The following NLGN4Y variants were observed in gnomAD, a reference collection of about 807,000 sequenced individuals.
NLGN4Y encodes neuroligin-4, Y-linked.
A neutral mutation model predicts 8.4 loss-of-function variants in NLGN4Y; 4 were observed. The observed-to-expected ratio is 0.48, with a 90% CI of 0.23 to 1.09. The LOEUF is 1.09. NLGN4Y is among the 50% of genes least tolerant of loss of function. NLGN4Y has a pLI of 0.19. For synonymous variants in NLGN4Y, 35 were observed against 75.6 expected, an observed-to-expected ratio of 0.46 and a Z score of 2.78; for missense variants, 90 against 192.3, an observed-to-expected ratio of 0.47 and a Z score of 3.15.
chrY:14,814,171 C>T, intron 4 of NLGN4Y, among the ~76,000 whole-genome samples: 3 of 32,796 alleles, frequency 9.1e-5, no homozygotes, highest in Non-Finnish European at 1.5e-4. Context: ...AGTTTCCACT[C>T]GACCCAGGAA....
At chrY:14,658,858 T>A (rs2080663963) in intron 2 of NLGN4Y, among the ~76,000 whole-genome samples, 1 of 33,409 alleles carries the variant, frequency 3.0e-5, no homozygotes, top group Non-Finnish European at 7.4e-5. Context: ...AACCGACATT[T>A]ATTTCACACA....
chrY:14,531,819 G>A (rs2150460558), intron 1 of NLGN4Y, among the ~76,000 whole-genome samples: 1 of 30,221 alleles, frequency 3.3e-5, no homozygotes, highest in African/African-American at 1.3e-4. Context: ...TTCTGTATAT[G>A]TATTTTTCTT....
chrY:14,802,944 A>G (rs2043042510), intron 4 of NLGN4Y, among the ~76,000 whole-genome samples: 1 of 22,790 alleles, frequency 4.4e-5, no homozygotes, highest in Non-Finnish European at 8.8e-5. Flanking sequence ...GGTATATAAT[A>G]TATAACATAA....
intron 2 of NLGN4Y, among the ~76,000 whole-genome samples, chrY:14,682,161 C>T (rs1603502665): frequency 3.0e-5 from 1 of 33,584 alleles, no homozygotes; most frequent in East Asian, 8.0e-4. Context: ...GTGATAACAT[C>T]TAACGTGGGT....
Position 14,615,218 on chromosome Y carries a change from C to T in NLGN4Y, c.-111-6791C>T, listed in dbSNP as rs775021956. On this transcript the variant is annotated intron_variant, in intron 1 of 6. Coordinates refer to ENST00000684976, the MANE Select transcript of NLGN4Y (RefSeq NM_001365588.1). ...TGTGGCAATTGTGAATGGGAGTTCA[C>T]GCATGATTTGGCTCTCTGTTTGTCT... 5.8e-4 allele frequency among the ~76,000 whole-genome samples: 19 copies of T among 33,003 alleles called. No homozygotes were observed. The East Asian group carries it at 0.013, about 22-fold the overall frequency. 88.5% of individuals were successfully genotyped at this position (33,003 alleles called of 37,273 possible).
intron 1 of NLGN4Y, among the ~76,000 whole-genome samples, chrY:14,612,771 T>C: frequency 8.9e-5 from 3 of 33,677 alleles, no homozygotes; most frequent in Admixed American, 2.7e-4. Flanking sequence ...AGCACCTGGG[T>C]TAGGGACCCA....
intron 1 of NLGN4Y, among the ~76,000 whole-genome samples, chrY:14,551,213 G>A (rs980917450): frequency 1.4e-3 from 47 of 33,561 alleles, no homozygotes; most frequent in African/African-American, 5.4e-3. Flanking sequence ...TAATGGTAAA[G>A]GGATCAATGC....
intron 2 of NLGN4Y, among the ~76,000 whole-genome samples, chrY:14,623,161 A>T (rs2150508422): frequency 2.9e-5 from 1 of 33,981 alleles, no homozygotes; most frequent in Admixed American, 2.7e-4. Flanking sequence ...TTTTCTTCCA[A>T]GATCCACTAC....
At chrY:14,672,424 C>T in intron 2 of NLGN4Y, among the ~76,000 whole-genome samples, 1 of 28,413 alleles carries the variant, frequency 3.5e-5, no homozygotes, top group African/African-American at 1.4e-4. Context: ...ACTCTGGAGG[C>T]TGATGCAGGA....
intron 2 of NLGN4Y, among the ~76,000 whole-genome samples, chrY:14,673,587 T>C (rs2150529692): frequency 5.9e-5 from 2 of 33,688 alleles, no homozygotes; most frequent in East Asian, 1.6e-3. Context: ...GGTGGGACTG[T>C]AAACTAGTTC....
At chrY:14,572,174 T>C (rs2080274895) in intron 1 of NLGN4Y, among the ~76,000 whole-genome samples, 1 of 33,333 alleles carries the variant, frequency 3.0e-5, no homozygotes, top group Non-Finnish European at 7.4e-5. Context: ...ATTGAATCTA[T>C]AAATTACCCT....
chrY:14,710,516 A>G (rs772052075), intron 2 of NLGN4Y, among the ~76,000 whole-genome samples: 1 of 33,813 alleles, frequency 3.0e-5, no homozygotes, highest in African/African-American at 1.2e-4. Flanking sequence ...TTCATCTCTA[A>G]AAAACAAACA....
rs1273132647 is a variant in NLGN4Y, at chrY:14,843,562, A to T, written c.*2300A>T. 1 of 121,675 alleles carries T rather than the reference A, an allele frequency of 8.2e-6. No homozygotes were observed. Among genetic ancestry groups the T allele is most frequent in the East Asian group, 2.6e-4 (1 of 3,906 alleles). 30.4% of individuals were successfully genotyped at this position (121,675 alleles called of 400,897 possible). A position where few individuals can be genotyped will look rare whatever the true frequency, so the allele number is the denominator to read the frequency against. On this transcript the variant is annotated 3_prime_UTR_variant, in exon 7 of 7. Transcript: ENST00000684976. ...TGCCACAACATGACAGTCTTGTGAC[A>T]TCTTAAGGAAAAGAAGAGTTCCTGT...
intron 2 of NLGN4Y, among the ~76,000 whole-genome samples, chrY:14,638,645 A>G (rs2080577041): frequency 3.0e-5 from 1 of 33,616 alleles, no homozygotes. Context: ...ATCATCATCA[A>G]AAACATCATC....
At chrY:14,602,544 C>T in intron 1 of NLGN4Y, among the ~76,000 whole-genome samples, 1 of 33,147 alleles carries the variant, frequency 3.0e-5, no homozygotes, top group South Asian at 6.7e-4. Context: ...TAGTTTTACC[C>T]TTATGTAAAT....
In NLGN4Y at chrY:14,690,054, C is replaced by G. The variant is rs2080804383; in HGVS notation, c.473-29405C>G. On this transcript the variant is annotated intron_variant, in intron 2 of 6. Transcript: ENST00000684976. Reference sequence around the variant, plus strand: ...CTCCACAACTCTAAGAAATGAAGATCCAGTGCCACCATCCCCATCATGGAA... The same window carrying G: ...CTCCACAACTCTAAGAAATGAAGATGCAGTGCCACCATCCCCATCATGGAA... Among the ~76,000 whole-genome samples, 3 of 32,908 alleles carry G rather than the reference C, an allele frequency of 9.1e-5. No homozygotes were observed. In the East Asian group the frequency reaches 2.5e-3, roughly 27 times the overall value. 88.3% of individuals were successfully genotyped at this position (32,908 alleles called of 37,273 possible). A position where few individuals can be genotyped will look rare whatever the true frequency, so the allele number is the denominator to read the frequency against.
Position 14,845,217 on chromosome Y carries a change from G to T in NLGN4Y, c.*3955G>T. ...TGTTTACATTATATATACTGTATAT[G>T]CACACATGCATATATGCATATATAT... On this transcript the variant is annotated 3_prime_UTR_variant, in exon 7 of 7. Transcript: ENST00000684976. 2.4e-4 allele frequency: 8 copies of T among 33,591 alleles called. No individual in the cohort carries two copies. Among genetic ancestry groups the T allele is most frequent in the Admixed American group, 2.2e-3 (8 of 3,688 alleles). The allele number at this position is 33,591 out of a possible 400,897, so 8.4% of individuals were successfully genotyped here.
At chrY:14,751,047 G>A (rs758182709) in intron 4 of NLGN4Y, among the ~76,000 whole-genome samples, 222 of 33,341 alleles carry the variant, frequency 6.7e-3, no homozygotes, top group Admixed American at 0.017. Flanking sequence ...ATTACTTTCC[G>A]ATGTGTTCTT....
chrY:14,798,276 G>T (rs2043019695), intron 4 of NLGN4Y, among the ~76,000 whole-genome samples: 1 of 33,072 alleles, frequency 3.0e-5, no homozygotes, highest in African/African-American at 1.2e-4. Flanking sequence ...TCAACTCAGG[G>T]CACTCTATGA....
Sources: allele counts gnomAD v4.1 joint callset (sites outside exome capture counted in the v4.1 genomes callset), GRCh38; gene constraint gnomAD v4.1.1; transcripts MANE v1.5; gene names NCBI Gene and HGNC (gene_info 2026-07-23, HGNC 2026-07-21).